Variants in C10orf90 observed in about 807,000 individuals in gnomAD.
C10orf90 encodes (E2-independent) E3 ubiquitin-conjugating enzyme FATS.
C10orf90 carries 56 observed loss-of-function variants against 62.5 expected under a neutral mutation model. That is an observed-to-expected ratio of 0.90 (90% CI 0.72 to 1.12). The LOEUF (loss-of-function observed/expected upper bound fraction) is 1.12, where lower values mean the gene tolerates loss of function less well. C10orf90 is among the 50% of genes most tolerant of loss of function. The pLI, the probability that C10orf90 is intolerant of heterozygous loss-of-function variation, is 0.00. For missense variants in C10orf90, 970 were observed against 880.4 expected (o/e 1.10, Z -1.29); for synonymous variants, 386 against 340.4 (o/e 1.13, Z -1.47).
intron 4 of C10orf90, among the ~76,000 whole-genome samples, chr10:126,465,717 A>G (rs747817523): frequency 1.3e-5 from 2 of 152,226 alleles, no homozygotes; most frequent in Non-Finnish European, 2.9e-5. Context: ...ATGTTGTACT[A>G]TCAAAAGCCT....
At chr10:126,602,850 T>G (rs886309662) in intron 2 of C10orf90, among the ~76,000 whole-genome samples, 3 of 151,736 alleles carry the variant, frequency 2.0e-5, no homozygotes, top group African/African-American at 7.3e-5. Context: ...AATGTGGTCA[T>G]GTCTATTCAT....
intron 2 of C10orf90, among the ~76,000 whole-genome samples, chr10:126,547,644 C>T (rs1008000986): frequency 6.6e-6 from 1 of 151,772 alleles, no homozygotes; most frequent in African/African-American, 2.4e-5. Context: ...GAAAAAGCCT[C>T]AGCAAATAAA....
intron 2 of C10orf90, among the ~76,000 whole-genome samples, chr10:126,542,413 G>A (rs1221693672): frequency 6.6e-6 from 1 of 152,124 alleles, no homozygotes. Context: ...TGAGGCAGGA[G>A]AATTGCTTGA....
intron 2 of C10orf90, among the ~76,000 whole-genome samples, chr10:126,629,375 C>T (rs1257377588): frequency 2.6e-5 from 4 of 152,202 alleles, no homozygotes; most frequent in African/African-American, 4.8e-5. Context: ...CTGATGGATA[C>T]ATTCTAATGA....
chr10:126,612,773 T>C (rs946202137), intron 2 of C10orf90, among the ~76,000 whole-genome samples: 21 of 152,328 alleles, frequency 1.4e-4, no homozygotes, highest in African/African-American at 5.1e-4. Flanking sequence ...ATGGTCTATT[T>C]CTGAAAACTC....
chr10:126,547,215 C>G (rs1467039322), intron 2 of C10orf90, among the ~76,000 whole-genome samples: 1 of 151,918 alleles, frequency 6.6e-6, no homozygotes, highest in Non-Finnish European at 1.5e-5. Flanking sequence ...GTCAGGAGAT[C>G]GAGACCATCC....
In C10orf90 at chr10:126,557,206, G is replaced by C. The variant is rs376870245; in HGVS notation, c.314-43267C>G. 3.7e-4 allele frequency among the ~76,000 whole-genome samples: 56 copies of C among 152,126 alleles called. No homozygotes were observed. In the South Asian group the frequency reaches 6.9e-3, roughly 19 times the overall value. On this transcript the variant is annotated intron_variant, in intron 2 of 9. Coordinates refer to ENST00000488181, the MANE Select transcript of C10orf90 (RefSeq NM_001350921.2). Reference sequence around the variant, plus strand: ...CAGATTAAGAAATAAATGTGGCCGGGTGCGGTGGCTGACACCTGTAAGCCC... The same window carrying C: ...CAGATTAAGAAATAAATGTGGCCGGCTGCGGTGGCTGACACCTGTAAGCCC...
intron 5 of C10orf90, among the ~76,000 whole-genome samples, chr10:126,463,855 A>G (rs1278203913): frequency 6.6e-6 from 1 of 152,216 alleles, no homozygotes; most frequent in Non-Finnish European, 1.5e-5. Context: ...CAGGGGATAT[A>G]AAGCACAGCA....
chr10:126,485,986 G>A (rs993550153), intron 4 of C10orf90, among the ~76,000 whole-genome samples: 6 of 151,858 alleles, frequency 4.0e-5, no homozygotes, highest in Admixed American at 2.6e-4. Context: ...ATAAAGACAT[G>A]TTTAAAAATA....
At chr10:126,439,666 A>C (rs575965784) in intron 7 of C10orf90, among the ~76,000 whole-genome samples, 1 of 152,288 alleles carries the variant, frequency 6.6e-6, no homozygotes, top group East Asian at 1.9e-4. Context: ...GGATATAACA[A>C]ATGAAATTTA....
At position 126,456,394 on chromosome 10, in the gene C10orf90, C is replaced by G. The variant is rs12261214; in HGVS notation, c.2188+2646G>C. Among the ~76,000 whole-genome samples, 5,076 of 152,234 alleles carry G rather than the reference C, an allele frequency of 0.033. 254 individuals carry two copies. Among genetic ancestry groups the G allele is most frequent in the African/African-American group, 0.1 (4,299 of 41,524 alleles). On this transcript the variant is annotated intron_variant, in intron 7 of 9. Transcript: ENST00000488181. The surrounding 1 kb of genome is among the most constrained non-coding windows in gnomAD (Gnocchi z 4.9). ...CAAGTCCCACTTTGAGAGCATGCTG[C>G]TTGCCAGGACTGTCTTGGAATGTGG...
chr10:126,555,699 A>AATAC (rs2133981884), intron 2 of C10orf90, among the ~76,000 whole-genome samples: 1 of 150,176 alleles, frequency 6.7e-6, no homozygotes, highest in African/African-American at 2.4e-5. Context: ...TAAATAAATA[A>AATAC]ATAAATAAAT....
chr10:126,577,584 A>C (rs987163395), intron 2 of C10orf90, among the ~76,000 whole-genome samples: 46 of 152,186 alleles, frequency 3.0e-4, no homozygotes, highest in African/African-American at 1.1e-3. Context: ...CTTTGTAAAG[A>C]TGTTCCTTCT....
At chr10:126,549,980 C>G (rs1372696846) in intron 2 of C10orf90, among the ~76,000 whole-genome samples, 2 of 138,650 alleles carry the variant, frequency 1.4e-5, no homozygotes, top group Admixed American at 7.5e-5. Flanking sequence ...TTTTTTGAGA[C>G]AGTCTCTCTC....
chr10:126,511,591 G>T (rs995413842), intron 3 of C10orf90, among the ~76,000 whole-genome samples: 1 of 151,400 alleles, frequency 6.6e-6, no homozygotes, highest in African/African-American at 2.4e-5. Context: ...GGTGGAGTGG[G>T]TAAGTAAATT....
intron 4 of C10orf90, among the ~76,000 whole-genome samples, chr10:126,491,259 T>G (rs1861755478): frequency 6.6e-6 from 1 of 152,222 alleles, no homozygotes. Flanking sequence ...TGCTTCAATT[T>G]ATATAGATTC....
chr10:126,582,060 G>C (rs547639823), intron 2 of C10orf90, among the ~76,000 whole-genome samples: 3 of 152,134 alleles, frequency 2.0e-5, no homozygotes, highest in African/African-American at 7.2e-5. Context: ...GCATATTCCC[G>C]GCATCCACAG....
At chr10:126,514,017 T>C in intron 2 of C10orf90, 78 bp from the exon 3 acceptor site, 1 of 1,024,452 alleles carries the variant, frequency 9.8e-7, no homozygotes, top group Middle Eastern at 2.3e-4. Context: ...ACTGTAAAAT[T>C]TAATGTCACC....
intron 2 of C10orf90, among the ~76,000 whole-genome samples, chr10:126,610,365 A>G (rs1361037592): frequency 6.6e-6 from 1 of 152,204 alleles, no homozygotes; most frequent in Non-Finnish European, 1.5e-5. Flanking sequence ...CTCCAGCAGG[A>G]CTGCAAAGGG....
Sources: allele counts gnomAD v4.1 joint callset (sites outside exome capture counted in the v4.1 genomes callset), GRCh38; gene constraint gnomAD v4.1.1; non-coding constraint Gnocchi (gnomAD v3.1); transcripts MANE v1.5; gene names NCBI Gene and HGNC (gene_info 2026-07-23, HGNC 2026-07-21).